Variants in PLD1 observed in about 807,000 individuals in gnomAD.
The protein encoded by PLD1 is choline phosphatase 1.
A neutral mutation model predicts 137.1 loss-of-function variants in PLD1; 112 were observed. That is an observed-to-expected ratio of 0.82 (90% CI 0.70 to 0.96). The LOEUF is 0.96. PLD1 is among the 40% of genes least tolerant of loss of function. The pLI is 0.00. For missense variants in PLD1, 1,321 were observed against 1,342.0 expected (o/e 0.98, Z 0.24); for synonymous variants, 431 against 454.7 (o/e 0.95, Z 0.66).
At chr3:171,676,441 T>C (rs767830321) in intron 18 of PLD1, among the ~76,000 whole-genome samples, 5 of 152,170 alleles carry the variant, frequency 3.3e-5, no homozygotes, top group Non-Finnish European at 7.4e-5. Flanking sequence ...GTCAACACTG[T>C]GTCCAAGATG....
At position 171,620,384 on chromosome 3, in the gene PLD1, A is replaced by C; in HGVS notation, c.2728+2T>G. The stretch of plus-strand genomic sequence containing the variant: ...CAATTATAGACCATATACTGTACTT[A>C]CCAATAATAACAGTGTTATCATCAG... On this transcript the variant is annotated splice_donor_variant, in intron 24 of 26. Transcript: ENST00000351298. LOFTEE classifies it high-confidence loss of function. 6.3e-7 allele frequency: 1 copy of C among 1,589,754 alleles called. No homozygotes were observed. Among genetic ancestry groups the C allele is most frequent in the Non-Finnish European group, 8.6e-7 (1 of 1,162,924 alleles).
At chr3:171,695,285 C>A (rs1194690750) in intron 12 of PLD1, among the ~76,000 whole-genome samples, 2 of 152,148 alleles carry the variant, frequency 1.3e-5, no homozygotes, top group Non-Finnish European at 2.9e-5. Flanking sequence ...CAAAACATCC[C>A]ATGCTTTAGT....
At chr3:171,701,085 A>C (rs533006294) in intron 11 of PLD1, among the ~76,000 whole-genome samples, 2 of 152,358 alleles carry the variant, frequency 1.3e-5, no homozygotes, top group South Asian at 4.1e-4. Context: ...GGAGCTAAAG[A>C]GATTAAAAGA....
chr3:171,723,126 C>A (rs541241834), intron 8 of PLD1, among the ~76,000 whole-genome samples: 1 of 152,176 alleles, frequency 6.6e-6, no homozygotes, highest in South Asian at 2.1e-4. Context: ...CATTAACCAT[C>A]CCCACTATCC....
At chr3:171,671,235 T>C (rs1712711924) in intron 19 of PLD1, among the ~76,000 whole-genome samples, 1 of 152,248 alleles carries the variant, frequency 6.6e-6, no homozygotes. Flanking sequence ...ACCCATTTTA[T>C]ATATCCATTA....
chr3:171,688,553 G>A (rs1187567601), intron 14 of PLD1, 123 bp downstream of exon 14: 1 of 775,280 alleles, frequency 1.3e-6, no homozygotes, highest in Non-Finnish European at 2.2e-6. Context: ...GACTTAAAAT[G>A]TTCTTTTCCC....
chr3:171,784,370 G>GAA (rs768555721), intron 1 of PLD1, among the ~76,000 whole-genome samples: 1 of 132,966 alleles, frequency 7.5e-6, no homozygotes, highest in Non-Finnish European at 1.6e-5. Context: ...TTCTCAGAAG[G>GAA]AAAAAAAAAA....
intron 8 of PLD1, among the ~76,000 whole-genome samples, chr3:171,715,212 G>C (rs541226658): frequency 6.6e-6 from 1 of 152,282 alleles, no homozygotes; most frequent in Non-Finnish European, 1.5e-5. Context: ...ACTGAAGAGT[G>C]TGCACTTTCC....
rs999009318 is a variant in PLD1 at position 171,662,092 on chromosome 3, T to G, written c.2308A>C (p.Ile770Leu). ...TAGATATAGTGCCTGCTGTTCTCTA[T>G]CACATGGACGTAAGCGGCGTGGATG... ...ESIHAAYVHV[I>L]ENSRHYIYIE... The change falls in exon 20 of 27, where the codon ATA becomes CTA. Residue 770 changes from isoleucine to leucine, a missense_variant. Physicochemically the swap from Ile to Leu is conservative, Grantham distance 5 (BLOSUM62 2). Coordinates refer to ENST00000351298, the MANE Select transcript of PLD1 (RefSeq NM_002662.5). 4 of 1,611,764 alleles carry G rather than the reference T, an allele frequency of 2.5e-6. No homozygotes were observed. The highest frequency in any genetic ancestry group is 3.4e-6 in the Non-Finnish European group (4 of 1,177,968).
chr3:171,738,651 C>T (rs113837738), intron 1 of PLD1, among the ~76,000 whole-genome samples: 5,437 of 152,196 alleles, frequency 0.036, 233 homozygotes, highest in African/African-American at 0.1. Flanking sequence ...CATGACTTTA[C>T]GTGAGGTATA....
In PLD1 at chr3:171,659,631, GT is replaced by G. The variant is rs546845014; in HGVS notation, c.2341-331del. On this transcript the variant is annotated intron_variant, in intron 20 of 26. Transcript: ENST00000351298. ...GCAAATTTAATCAATGGGGAAACTA[GT>G]TTTTTTCAGATTCACATGTTGTATA... 1.0e-3 allele frequency among the ~76,000 whole-genome samples: 159 copies of G among 152,252 alleles called. 1 individual carries two copies. The highest frequency in any genetic ancestry group is 3.6e-3 in the African/African-American group (149 of 41,552).
intron 18 of PLD1, among the ~76,000 whole-genome samples, chr3:171,675,774 C>G (rs1713281454): frequency 3.3e-5 from 5 of 151,572 alleles, no homozygotes; most frequent in Non-Finnish European, 1.5e-5. Flanking sequence ...TCCAAACGAC[C>G]AAGGGGAATC....
At chr3:171,685,877 C>T (rs1237207197) in intron 16 of PLD1, among the ~76,000 whole-genome samples, 5 of 152,140 alleles carry the variant, frequency 3.3e-5, no homozygotes, top group South Asian at 4.1e-4. Context: ...CCAGCACTTT[C>T]GGAGGCCAAG....
intron 23 of PLD1, among the ~76,000 whole-genome samples, chr3:171,633,636 T>TA (rs1003626330): frequency 6.6e-6 from 1 of 151,916 alleles, no homozygotes; most frequent in Admixed American, 6.6e-5. Context: ...AAAGTATAAT[T>TA]AAAAAAAGAA....
chr3:171,680,060 C>G (rs1713802987), intron 16 of PLD1, among the ~76,000 whole-genome samples: 1 of 152,080 alleles, frequency 6.6e-6, no homozygotes, highest in African/African-American at 2.4e-5. Context: ...AGGGGGACTT[C>G]TTGTTCCTTG....
intron 12 of PLD1, among the ~76,000 whole-genome samples, chr3:171,693,250 C>A (rs1489350430): frequency 1.3e-5 from 2 of 152,242 alleles, no homozygotes; most frequent in African/African-American, 4.8e-5. Flanking sequence ...TGTGTGTTCA[C>A]ACACAAGCGT....
intron 1 of PLD1, among the ~76,000 whole-genome samples, chr3:171,764,892 A>AAAGAAAGG (rs1721774459): frequency 9.8e-5 from 2 of 20,400 alleles, no homozygotes; most frequent in East Asian, 8.7e-4. Flanking sequence ...AGAAAGAAAG[A>AAAGAAAGG]AAGGAAGGAA....
chr3:171,803,031 T>C (rs946159354), intron 1 of PLD1, among the ~76,000 whole-genome samples: 1 of 152,192 alleles, frequency 6.6e-6, no homozygotes, highest in Non-Finnish European at 1.5e-5. Flanking sequence ...ATTTATTACA[T>C]ATGTGATAGA....
chr3:171,772,952 C>G (rs1264392008), intron 1 of PLD1, among the ~76,000 whole-genome samples: 1 of 152,182 alleles, frequency 6.6e-6, no homozygotes, highest in African/African-American at 2.4e-5. Context: ...GATCTCTCCT[C>G]TGCAGAAAGA....
Sources: allele counts gnomAD v4.1 joint callset (sites outside exome capture counted in the v4.1 genomes callset), GRCh38; gene constraint gnomAD v4.1.1; transcripts MANE v1.5; gene names NCBI Gene and HGNC (gene_info 2026-07-23, HGNC 2026-07-21).